The following PARP16 variants were observed in gnomAD, a reference collection of about 807,000 sequenced individuals.
The protein encoded by PARP16 is protein mono-ADP-ribosyltransferase PARP16.
A neutral mutation model predicts 35.0 loss-of-function variants in PARP16; 31 were observed. That is an observed-to-expected ratio of 0.88 (90% CI 0.66 to 1.19). PARP16 has a LOEUF of 1.19. Ranked by LOEUF, PARP16 falls within the 50% of genes most tolerant of loss-of-function variation. The pLI is 0.00. For synonymous variants in PARP16, 162 were observed against 169.5 expected (o/e 0.96, Z 0.34); for missense variants, 424 against 411.2 (o/e 1.03, Z -0.27).
At chr15:65,233,534 G>A (rs529017689), downstream of PARP16, among the ~76,000 whole-genome samples, 2 of 152,106 alleles carry the variant, frequency 1.3e-5, no homozygotes, top group African/African-American at 2.4e-5. Flanking sequence ...AGGCCAGTTC[G>A]AGACCAACCT....
intron 4 of PARP16, among the ~76,000 whole-genome samples, chr15:65,262,547 G>C (rs958230895): frequency 1.3e-5 from 2 of 152,172 alleles, no homozygotes; most frequent in Admixed American, 1.3e-4. Context: ...ACACAGTAGG[G>C]GAGTGGGATG....
At position 65,265,135 on chromosome 15, in the gene PARP16, C is replaced by A. The variant is rs577510859; in HGVS notation, c.519+1427G>T. Among the ~76,000 whole-genome samples the A allele has an allele frequency of 7.9e-5, 12 of 152,350 alleles. No individual in the cohort carries two copies. In the East Asian group the frequency reaches 2.1e-3, roughly 27 times the overall value. On this transcript the variant is annotated intron_variant, in intron 3 of 5. Coordinates refer to ENST00000649807, the MANE Select transcript of PARP16 (RefSeq NM_001316943.2). ...CAGGGAAATATCTCCAGTCTCAGGG[C>A]TGCAGCAGCCACAACTGAGCCCATG...
rs770224550 is a variant in PARP16, at chr15:65,259,371, A to T, written c.*36T>A. ...TACAGAACAAGTTACCATAAGGCAC[A>T]TAGTTGAGGTAGCCCCCACACCAGG... On this transcript the variant is annotated 3_prime_UTR_variant, in exon 6 of 6. Coordinates refer to ENST00000649807, the MANE Select transcript of PARP16 (RefSeq NM_001316943.2). 6.2e-7 allele frequency: 1 copy of T among 1,611,870 alleles called. No homozygotes were observed. The highest frequency in any genetic ancestry group is 8.5e-7 in the Non-Finnish European group (1 of 1,178,078).
downstream of PARP16, among the ~76,000 whole-genome samples, chr15:65,232,978 A>C (rs1045700529): frequency 6.6e-6 from 1 of 150,760 alleles, no homozygotes; most frequent in Non-Finnish European, 1.5e-5. Flanking sequence ...AACAGAGCAA[A>C]ACCTTGTCTC....
chr15:65,274,046 C>T (rs2090173876), intron 1 of PARP16, among the ~76,000 whole-genome samples: 2 of 151,836 alleles, frequency 1.3e-5, no homozygotes, highest in African/African-American at 4.8e-5. Context: ...TCCATCCCAC[C>T]CCCACCCGAA....
intron 1 of PARP16, among the ~76,000 whole-genome samples, chr15:65,276,920 C>T (rs926661033): frequency 6.6e-6 from 1 of 150,648 alleles, no homozygotes; most frequent in Non-Finnish European, 1.5e-5. Context: ...ATGTGGATGT[C>T]GCAGTGAACC....
intron 3 of PARP16, among the ~76,000 whole-genome samples, chr15:65,246,256 C>G (rs940199009): frequency 2.0e-5 from 3 of 152,140 alleles, no homozygotes; most frequent in African/African-American, 4.8e-5. Context: ...TTAACAGGCT[C>G]TAGGGGATTC....
intron 1 of PARP16, among the ~76,000 whole-genome samples, chr15:65,271,555 G>A (rs1277991752): frequency 2.0e-5 from 3 of 152,092 alleles, no homozygotes; most frequent in African/African-American, 7.2e-5. Flanking sequence ...GATTACAGGC[G>A]TGAACCACCA....
chr15:65,279,674 A>C (rs2090359740), intron 1 of PARP16, among the ~76,000 whole-genome samples: 2 of 152,228 alleles, frequency 1.3e-5, no homozygotes, highest in Admixed American at 1.3e-4. Flanking sequence ...TATAGACCTA[A>C]TAGGCACTTT....
At position 65,259,347 on chromosome 15, in the gene PARP16, A is replaced by G; in HGVS notation, c.*60T>C. Reference sequence around the variant, plus strand: ...TGGCTGGACATGAGGCATAGGAGGTACAGAACAAGTTACCATAAGGCACAT... The same window carrying G: ...TGGCTGGACATGAGGCATAGGAGGTGCAGAACAAGTTACCATAAGGCACAT... On this transcript the variant is annotated 3_prime_UTR_variant, in exon 6 of 6. Transcript: ENST00000649807. The G allele has an allele frequency of 6.3e-7, 1 of 1,581,030 alleles. No individual in the cohort carries two copies. The highest frequency in any genetic ancestry group is 8.7e-7 in the Non-Finnish European group (1 of 1,151,838).
At chr15:65,267,257 T>A (rs1375359654) in intron 2 of PARP16, among the ~76,000 whole-genome samples, 3 of 151,018 alleles carry the variant, frequency 2.0e-5, no homozygotes, top group Non-Finnish European at 4.4e-5. Context: ...ATAATAATAA[T>A]AAATAATAAC....
intron 4 of PARP16, among the ~76,000 whole-genome samples, chr15:65,261,390 A>T (rs896332293): frequency 1.4e-5 from 2 of 146,990 alleles, no homozygotes; most frequent in African/African-American, 4.9e-5. Flanking sequence ...TTATATATAA[A>T]TTTTATATAT....
chr15:65,264,583 G>A (rs1487049317), intron 3 of PARP16, among the ~76,000 whole-genome samples: 2 of 152,318 alleles, frequency 1.3e-5, no homozygotes. Context: ...AAGTTAGGCA[G>A]GGTCTCCATC....
chr15:65,236,708 T>C (rs939752835), intron 3 of PARP16, among the ~76,000 whole-genome samples: 3 of 152,108 alleles, frequency 2.0e-5, no homozygotes, highest in African/African-American at 7.2e-5. Flanking sequence ...CACGGTGGCT[T>C]ATGCCTGTAA....
intron 1 of PARP16, among the ~76,000 whole-genome samples, chr15:65,272,890 C>G (rs1474264717): frequency 6.6e-6 from 1 of 152,186 alleles, no homozygotes; most frequent in Non-Finnish European, 1.5e-5. Flanking sequence ...CATTTCTTTT[C>G]TTTCCATTTA....
chr15:65,234,539 T>C (rs1019491532), exon 4 of PARP16: 1 of 152,252 alleles, frequency 6.6e-6, no homozygotes, highest in Non-Finnish European at 1.5e-5. Context: ...CTGCATAACA[T>C]ATCATATGTA....
chr15:65,280,644 A>T (rs1283525928), intron 1 of PARP16, among the ~76,000 whole-genome samples: 1 of 152,168 alleles, frequency 6.6e-6, no homozygotes, highest in African/African-American at 2.4e-5. Context: ...ATAAGGTGGA[A>T]ATTTCACGTG....
chr15:65,262,229 A>G (rs2089751497), intron 4 of PARP16, among the ~76,000 whole-genome samples: 1 of 147,456 alleles, frequency 6.8e-6, no homozygotes, highest in Non-Finnish European at 1.5e-5. Context: ...GCCTCCTGGG[A>G]TCAAGCGATT....
At chr15:65,260,727 C>T (rs969821524) in intron 5 of PARP16, among the ~76,000 whole-genome samples, 158 bp downstream of exon 5, 2 of 152,208 alleles carry the variant, frequency 1.3e-5, no homozygotes, top group African/African-American at 2.4e-5. Flanking sequence ...ACATCTTCTC[C>T]AGATCCTATC....
Sources: allele counts gnomAD v4.1 joint callset (sites outside exome capture counted in the v4.1 genomes callset), GRCh38; gene constraint gnomAD v4.1.1; transcripts MANE v1.5; gene names NCBI Gene and HGNC (gene_info 2026-07-23, HGNC 2026-07-21).